The following JARID2 variants were observed in gnomAD, a reference collection of about 807,000 sequenced individuals.
JARID2 encodes jumonji and AT-rich interaction domain containing 2.
Under a neutral mutation model 125.6 loss-of-function variants are expected in JARID2, and 21 were observed. That is an observed-to-expected ratio of 0.17 (90% CI 0.12 to 0.24). The LOEUF (loss-of-function observed/expected upper bound fraction) is 0.24, where lower values mean the gene tolerates loss of function less well. Among genes scored for constraint, JARID2 ranks in the 10% least tolerant of loss-of-function variants. The probability of loss-of-function intolerance (pLI) is 1.00; values close to 1 mark genes in which losing one functional copy is unlikely to be tolerated. For missense variants in JARID2, 1,303 were observed against 1,639.6 expected, an observed-to-expected ratio of 0.79 and a Z score of 3.55; for synonymous variants, 736 against 661.6, an observed-to-expected ratio of 1.11 and a Z score of -1.73.
chr6:15,285,580 A>T (rs1249743819), intron 1 of JARID2, among the ~76,000 whole-genome samples: 1 of 151,416 alleles, frequency 6.6e-6, no homozygotes, highest in East Asian at 1.9e-4. Flanking sequence ...TATATATATA[A>T]CATGAGGTAA....
At chr6:15,414,716 C>G (rs1766052028) in intron 3 of JARID2, among the ~76,000 whole-genome samples, 2 of 151,562 alleles carry the variant, frequency 1.3e-5, no homozygotes, top group Admixed American at 1.3e-4. Flanking sequence ...GTTTTTAGTT[C>G]TAGATGTTGT....
At chr6:15,337,850 C>G (rs1010980752) in intron 1 of JARID2, among the ~76,000 whole-genome samples, 3 of 152,182 alleles carry the variant, frequency 2.0e-5, no homozygotes, top group Non-Finnish European at 2.9e-5. Context: ...CAGATACAAA[C>G]AGCCTCTAAA....
Position 15,320,883 on chromosome 6 carries a change from T to TGTGTGTGTGTGTGTG in JARID2, c.46-53234_46-53233insGTGTGTGTGTGTGTG, listed in dbSNP as rs773153042. Among the ~76,000 whole-genome samples the TGTGTGTGTGTGTGTG allele has an allele frequency of 2.1e-3, 318 of 151,172 alleles. 1 individual carries two copies. The highest frequency in any genetic ancestry group is 3.7e-3 in the Non-Finnish European group (248 of 67,646). ...GTGTGTGTGTGTGTGTGTGTGTGTG[T>TGTGTGTGTGTGTGTG]TAGTTAAACTTGCATGTGAAGTATG... On this transcript the variant is annotated intron_variant, in intron 1 of 17. Transcript: ENST00000341776.
intron 3 of JARID2, among the ~76,000 whole-genome samples, chr6:15,416,050 G>GGGT: frequency 6.6e-6 from 1 of 151,940 alleles, no homozygotes; most frequent in South Asian, 2.1e-4. Context: ...ATCCCAGACG[G>GGGT]GGCGGCGGGG....
At chr6:15,427,040 C>T (rs1766759012) in intron 3 of JARID2, among the ~76,000 whole-genome samples, 1 of 152,100 alleles carries the variant, frequency 6.6e-6, no homozygotes, top group South Asian at 2.1e-4. Context: ...TTTAACCTTG[C>T]CATTTATGCT....
chr6:15,409,388 A>G (rs183728023), intron 2 of JARID2, among the ~76,000 whole-genome samples: 2 of 152,316 alleles, frequency 1.3e-5, no homozygotes, highest in East Asian at 3.9e-4. Flanking sequence ...TAGATAGTGG[A>G]CAGCGGGTCT....
intron 1 of JARID2, among the ~76,000 whole-genome samples, chr6:15,290,094 A>C (rs781690539): frequency 3.3e-5 from 5 of 152,186 alleles, no homozygotes; most frequent in Non-Finnish European, 7.3e-5. Flanking sequence ...ACCCAATTGA[A>C]ATAGAGAATA....
At chr6:15,349,736 A>G (rs928955900) in intron 1 of JARID2, among the ~76,000 whole-genome samples, 3 of 152,190 alleles carry the variant, frequency 2.0e-5, no homozygotes, top group Non-Finnish European at 4.4e-5. Context: ...GCTGCATTCT[A>G]TCAAAAGACA....
At chr6:15,515,352 C>G (rs1771497108) in intron 16 of JARID2, among the ~76,000 whole-genome samples, 1 of 152,200 alleles carries the variant, frequency 6.6e-6, no homozygotes, top group African/African-American at 2.4e-5. Context: ...TTTCCATGCA[C>G]TGAGGGCTGT....
chr6:15,393,380 C>A (rs977779709), intron 2 of JARID2, among the ~76,000 whole-genome samples: 3 of 152,226 alleles, frequency 2.0e-5, no homozygotes, highest in Admixed American at 2.0e-4. Context: ...TGTAGGTTTT[C>A]CCTTAGCTCC....
chr6:15,288,988 G>A (rs915605998), intron 1 of JARID2, among the ~76,000 whole-genome samples: 12 of 152,190 alleles, frequency 7.9e-5, no homozygotes, highest in African/African-American at 2.9e-4. Flanking sequence ...GGGACTGGGG[G>A]CAAGGAGCAG....
chr6:15,265,657 G>T (rs983199508), intron 1 of JARID2, among the ~76,000 whole-genome samples: 4 of 152,136 alleles, frequency 2.6e-5, no homozygotes, highest in Admixed American at 2.6e-4. Flanking sequence ...CACTTTCCAG[G>T]CAATTAAGGA....
At chr6:15,357,580 C>T (rs1257824075) in intron 1 of JARID2, among the ~76,000 whole-genome samples, 1 of 152,018 alleles carries the variant, frequency 6.6e-6, no homozygotes, top group Non-Finnish European at 1.5e-5. Context: ...TCTCTCTAAG[C>T]AAATGTTATT....
intron 1 of JARID2, among the ~76,000 whole-genome samples, chr6:15,359,328 C>G (rs1157877177): frequency 1.3e-5 from 2 of 152,214 alleles, no homozygotes; most frequent in Non-Finnish European, 2.9e-5. Flanking sequence ...AACAGCTTTT[C>G]TGACGGTATG....
At chr6:15,415,243 T>TC (rs1491280256) in intron 3 of JARID2, among the ~76,000 whole-genome samples, 1 of 152,196 alleles carries the variant, frequency 6.6e-6, no homozygotes, top group East Asian at 1.9e-4. Flanking sequence ...AACCATCCGA[T>TC]CTCTCAATCC....
chr6:15,377,272 A>C (rs759081845), intron 2 of JARID2, among the ~76,000 whole-genome samples: 1 of 152,136 alleles, frequency 6.6e-6, no homozygotes, highest in Admixed American at 6.5e-5. Context: ...GGTGAAAAGC[A>C]CCTGTTATAT....
chr6:15,394,012 A>T (rs183715038), intron 2 of JARID2, among the ~76,000 whole-genome samples: 2 of 152,150 alleles, frequency 1.3e-5, no homozygotes. Context: ...TCGTGAAATT[A>T]TATTTCATCT....
intron 1 of JARID2, among the ~76,000 whole-genome samples, chr6:15,273,199 T>G (rs1760366464): frequency 2.6e-5 from 4 of 152,154 alleles, no homozygotes; most frequent in Non-Finnish European, 1.5e-5. Flanking sequence ...TCCCCTACCC[T>G]TATTTTAAAA....
At chr6:15,334,977 C>G (rs1240066607) in intron 1 of JARID2, among the ~76,000 whole-genome samples, 2 of 152,180 alleles carry the variant, frequency 1.3e-5, no homozygotes, top group Non-Finnish European at 2.9e-5. Flanking sequence ...ATTAAACACT[C>G]ACCAGCCTTA....
Sources: gnomAD v4.1 joint callset for allele counts (sites outside exome capture counted in the v4.1 genomes callset) on GRCh38, gnomAD v4.1.1 for gene constraint, MANE v1.5 for transcripts, NCBI Gene and HGNC (gene_info 2026-07-23, HGNC 2026-07-21) for gene names.